VSIG10L2: variants seen among roughly 807,000 people sequenced by gnomAD.
VSIG10L2 encodes V-set and immunoglobulin domain containing 10 like 2.
A neutral mutation model predicts 67.1 loss-of-function variants in VSIG10L2; 56 were observed. The observed-to-expected ratio is 0.83, with a 90% confidence interval of 0.67 to 1.04. The LOEUF (loss-of-function observed/expected upper bound fraction) is 1.04. Among genes scored for constraint, VSIG10L2 ranks in the 50% least tolerant of loss-of-function variants. The probability of loss-of-function intolerance (pLI) is 0.00; values close to 1 mark genes in which losing one functional copy is unlikely to be tolerated. For missense variants in VSIG10L2, 843 were observed against 932.8 expected (o/e 0.90, Z 1.25); for synonymous variants, 360 against 396.6 (o/e 0.91, Z 1.10).
rs142847305 is a variant in VSIG10L2 at position 125,949,124 on chromosome 11, C to G, written c.709+544C>G. Among the ~76,000 whole-genome samples, 39 of 152,328 alleles carry G rather than the reference C, an allele frequency of 2.6e-4. No homozygotes were observed. In the East Asian group the frequency reaches 7.5e-3, roughly 29 times the overall value. ...ATGGAAGGCACACTTGATTTTGAAGCTTTAGTCCAAAAGAAAGAATGTAAA... is the reference window on the plus strand; with the variant it reads ...ATGGAAGGCACACTTGATTTTGAAGGTTTAGTCCAAAAGAAAGAATGTAAA... On this transcript the variant is annotated intron_variant, in intron 3 of 11. Transcript: ENST00000686984.
Position 125,946,059 on chromosome 11 carries a change from G to A in VSIG10L2, c.4G>A (p.Val2Met). ...TGGCCATCAGGGAGATGGGGCCATGGTGGGTCAGAGGGCCCAGCACAGCCC... is the reference window on the plus strand; with the variant it reads ...TGGCCATCAGGGAGATGGGGCCATGATGGGTCAGAGGGCCCAGCACAGCCC... M[V>M]GQRAQHSPVS... Residue 2 changes from valine to methionine, a missense_variant, in exon 1 of 12, where the codon GTG becomes ATG. Around this residue, in one of 2 missense-constraint regions of VSIG10L2, gnomAD observed 446 missense variants for 548.4 expected, o/e 0.81. Transcript: ENST00000686984. This position sits in a 1 kb window ranked among gnomAD's most constrained non-coding sequence, Gnocchi z 4.4. 2.5e-6 allele frequency: 1 copy of A among 399,346 alleles called. No homozygotes were observed. Among genetic ancestry groups the A allele is most frequent in the Non-Finnish European group, 4.4e-6 (1 of 226,376 alleles). 24.7% of individuals were successfully genotyped at this position (399,346 alleles called of 1,614,324 possible).
intron 7 of VSIG10L2, 40 bp from the exon 8 acceptor site, chr11:125,954,047 A>G (rs1945416151): frequency 5.8e-5 from 71 of 1,226,456 alleles, no homozygotes; most frequent in Non-Finnish European, 7.2e-5. Context: ...ACGTGGTTGT[A>G]GGTATACATG....
rs1181081817 is a variant in VSIG10L2, at chr11:125,954,300, T to TG, written c.2002dup (p.Asp668GlyfsTer23). 3 of 1,232,130 alleles carry TG rather than the reference T, an allele frequency of 2.4e-6. No homozygotes were observed. In the Admixed American group the frequency reaches 1.3e-4, roughly 52 times the overall value. The allele number at this position is 1,232,130 out of a possible 1,614,324, so 76.3% of individuals were successfully genotyped here. The stretch of plus-strand genomic sequence containing the variant: ...AGCCGAGGACGGCGGCTGGGGGGCT[T>TG]GGACCCCGGGGTCCTTTATGCCTTC... On this transcript the variant is annotated frameshift_variant, in exon 8 of 12. Transcript: ENST00000686984. LOFTEE classifies it high-confidence loss of function.
chr11:125,954,939 G>A (rs1945435471), intron 8 of VSIG10L2, 118 bp from the exon 9 acceptor site: 2 of 1,066,664 alleles, frequency 1.9e-6, no homozygotes, highest in East Asian at 6.5e-5. Flanking sequence ...GTCAGCTGCA[G>A]GGGGAACTGG....
intron 1 of VSIG10L2, among the ~76,000 whole-genome samples, chr11:125,947,131 G>A (rs530801218): frequency 3.9e-5 from 6 of 152,124 alleles, no homozygotes; most frequent in Admixed American, 6.5e-5. Context: ...GGGCTGATGC[G>A]GGCGGTGTCC....
chr11:125,954,968 C>A, intron 8 of VSIG10L2, 89 bp from the exon 9 acceptor site: 1 of 1,209,392 alleles, frequency 8.3e-7, no homozygotes, highest in Non-Finnish European at 1.0e-6. Context: ...GGCACCGCTT[C>A]TCCAGAACCC....
Position 125,952,084 on chromosome 11 carries a change from G to A in VSIG10L2, c.1495+11G>A. 6.6e-7 allele frequency: 1 copy of A among 1,526,068 alleles called. No individual in the cohort carries two copies. Among genetic ancestry groups the A allele is most frequent in the Non-Finnish European group, 8.8e-7 (1 of 1,139,744 alleles). 94.5% of individuals were successfully genotyped at this position (1,526,068 alleles called of 1,614,324 possible). A position where few individuals can be genotyped will look rare whatever the true frequency, so the allele number is the denominator to read the frequency against. ...GCCACCTCCAGCTGGGTGAGTAGGG[G>A]CTAGCGAGTTTGTTCTGGGGCTGGG... On this transcript the variant is annotated intron_variant, in intron 6 of 11. Transcript: ENST00000686984.
chr11:125,946,960 G>C lies in VSIG10L2; in HGVS notation c.83-726G>C, dbSNP rs986082793. Reference sequence around the variant, plus strand: ...TACTTGGGCTTAGGCTGGGGTTGAGGGCTGGGCCCTGAGCCGAGAACACCT... The same window carrying C: ...TACTTGGGCTTAGGCTGGGGTTGAGCGCTGGGCCCTGAGCCGAGAACACCT... On this transcript the variant is annotated intron_variant, in intron 1 of 11. Coordinates refer to ENST00000686984, the MANE Select transcript of VSIG10L2 (RefSeq NM_001365077.2). This position sits in a 1 kb window ranked among gnomAD's most constrained non-coding sequence, Gnocchi z 4.4. 6.6e-6 allele frequency among the ~76,000 whole-genome samples: 1 copy of C among 152,204 alleles called. No homozygotes were observed.
chr11:125,950,431 A>C, intron 4 of VSIG10L2, 142 bp downstream of exon 4: 1 of 878,908 alleles, frequency 1.1e-6, no homozygotes, highest in Non-Finnish European at 1.5e-6. Context: ...GGAGGTCTCC[A>C]ACCAAGTGGA....
Position 125,947,836 on chromosome 11 carries a change from G to A in VSIG10L2, c.233G>A (p.Arg78Gln), listed in dbSNP as rs901811141. Reference protein sequence around the residue: ...SFTPLGSLVPRPVAVTDGAMS... With the variant: ...SFTPLGSLVPQPVAVTDGAMS... ...ACCCCCCTGGGCTCCCTGGTTCCCC[G>A]GCCTGTGGCCGTCACCGATGGAGCC... The change falls in exon 2 of 12, where the codon CGG becomes CAG. Residue 78 changes from arginine to glutamine, a missense_variant. Arg to Gln is a conservative substitution (Grantham distance 43). This residue lies in a region of VSIG10L2 where 446 missense variants were observed against 548.4 expected (regional missense o/e 0.81). Coordinates refer to ENST00000686984, the MANE Select transcript of VSIG10L2 (RefSeq NM_001365077.2). The A allele has an allele frequency of 2.4e-5, 30 of 1,232,270 alleles. No individual in the cohort carries two copies. Among genetic ancestry groups the A allele is most frequent in the Admixed American group, 4.2e-5 (1 of 23,710 alleles). The allele number at this position is 1,232,270 out of a possible 1,614,324, so 76.3% of individuals were successfully genotyped here.
At position 125,954,408 on chromosome 11, in the gene VSIG10L2, C is replaced by T. The variant is rs1410414881; in HGVS notation, c.2083+25C>T. 3.2e-6 allele frequency: 4 copies of T among 1,231,888 alleles called. No homozygotes were observed. In the African/African-American group the frequency reaches 6.2e-5, roughly 19 times the overall value. The allele number at this position is 1,231,888 out of a possible 1,614,324, so 76.3% of individuals were successfully genotyped here. A position where few individuals can be genotyped will look rare whatever the true frequency, so the allele number is the denominator to read the frequency against. On this transcript the variant is annotated intron_variant, in intron 8 of 11. Coordinates refer to ENST00000686984, the MANE Select transcript of VSIG10L2 (RefSeq NM_001365077.2). ...GGTGCCAGCTAATGCCAGGGAGGGA[C>T]CCACCTTTTCTCCAAAGCGCTGGCC...
At position 125,948,020 on chromosome 11, in the gene VSIG10L2, C is replaced by G. The variant is rs945480133; in HGVS notation, c.417C>G (p.Leu139=). The change falls in exon 2 of 12, where the codon CTC becomes CTG. Residue 139 remains leucine (L), a synonymous_variant. Coordinates refer to ENST00000686984, the MANE Select transcript of VSIG10L2 (RefSeq NM_001365077.2). ...GGQLHAAYSH[L]TLAVLVPVSK... ...AGCTCCACGCTGCCTACTCCCACCTCACGCTGGCTGTGCTGGGTGAGGGCC... is the reference window on the plus strand; with the variant it reads ...AGCTCCACGCTGCCTACTCCCACCTGACGCTGGCTGTGCTGGGTGAGGGCC... The G allele has an allele frequency of 5.5e-5, 68 of 1,232,296 alleles. No individual in the cohort carries two copies. Among genetic ancestry groups the G allele is most frequent in the Non-Finnish European group, 6.8e-5 (67 of 988,176 alleles). 76.3% of individuals were successfully genotyped at this position (1,232,296 alleles called of 1,614,324 possible).
rs1436031116 is a variant in VSIG10L2, at chr11:125,955,605, T to G, written c.2232-10T>G. 6.5e-7 allele frequency: 1 copy of G among 1,527,804 alleles called. No homozygotes were observed. The highest frequency in any genetic ancestry group is 8.8e-7 in the Non-Finnish European group (1 of 1,142,406). The allele number at this position is 1,527,804 out of a possible 1,614,324, so 94.6% of individuals were successfully genotyped here. A position where few individuals can be genotyped will look rare whatever the true frequency, so the allele number is the denominator to read the frequency against. On this transcript the variant is annotated splice_polypyrimidine_tract_variant and intron_variant, in intron 10 of 11. Transcript: ENST00000686984. ...TTGCCACTAACTTTACTCTCCCACTTCACTCTCAGGGAGCAAAGGCACCAA... is the reference window on the plus strand; with the variant it reads ...TTGCCACTAACTTTACTCTCCCACTGCACTCTCAGGGAGCAAAGGCACCAA...
chr11:125,950,015 T>G lies in VSIG10L2; in HGVS notation c.711T>G (p.Tyr237Ter), dbSNP rs565534848. 3 of 1,232,444 alleles carry G rather than the reference T, an allele frequency of 2.4e-6. No homozygotes were observed. The highest frequency in any genetic ancestry group is 8.2e-5 in the South Asian group (2 of 24,332). 76.3% of individuals were successfully genotyped at this position (1,232,444 alleles called of 1,614,324 possible). A position where few individuals can be genotyped will look rare whatever the true frequency, so the allele number is the denominator to read the frequency against. ...TAACTGGCCTTCCTTGCTCTCCAGA[T>G]GGTCCTGACAAGCCTGTGATCACCA... ...SSDGAFLDVI[Y>*]GPDKPVITME... The change falls in exon 4 of 12, where the codon TAT (tyrosine) becomes TAG (stop). Residue 237 changes from tyrosine (Y) to a stop codon, truncating the protein, a stop_gained and splice_region_variant. Coordinates refer to ENST00000686984, the MANE Select transcript of VSIG10L2 (RefSeq NM_001365077.2). LOFTEE classifies it high-confidence loss of function.
chr11:125,948,619 A>C (rs1591528782), intron 3 of VSIG10L2, 39 bp downstream of exon 3: 1 of 1,231,430 alleles, frequency 8.1e-7, no homozygotes, highest in Non-Finnish European at 1.0e-6. Context: ...CAGGGCTGAC[A>C]CCCATCTCCC....
chr11:125,955,276 A>G, intron 9 of VSIG10L2, 97 bp downstream of exon 9: 1 of 1,302,016 alleles, frequency 7.7e-7, no homozygotes, highest in Non-Finnish European at 9.8e-7. Context: ...GGGGGAGAAG[A>G]ATCTAGGCTC....
At position 125,951,094 on chromosome 11, in the gene VSIG10L2, C is replaced by T. The variant is rs577401977; in HGVS notation, c.1170C>T (p.Ser390=). 535 of 1,232,704 alleles carry T rather than the reference C, an allele frequency of 4.3e-4. No homozygotes were observed. In the African/African-American group the frequency reaches 7.2e-3, roughly 17 times the overall value. The allele number at this position is 1,232,704 out of a possible 1,614,324, so 76.4% of individuals were successfully genotyped here. The change falls in exon 5 of 12, where the codon AGC becomes AGT. Residue 390 remains serine (S), a synonymous_variant. Coordinates refer to ENST00000686984, the MANE Select transcript of VSIG10L2 (RefSeq NM_001365077.2). ...CAGCCGCCCAGCTCCCCAGTGGCAG[C>T]GTCTTCACCTGCACTGGCCAGCACC... is the stretch of plus-strand genomic sequence containing the variant. ...SHAAAQLPSG[S]VFTCTGQHPA... is the part of the protein sequence containing the mutation.
intron 1 of VSIG10L2, 169 bp from the exon 2 acceptor site, chr11:125,947,517 C>T: frequency 1.0e-6 from 1 of 985,438 alleles, no homozygotes; most frequent in African/African-American, 1.7e-5. Flanking sequence ...GGCTCCCACA[C>T]AAACTGTCTC....
At chr11:125,949,684 C>T (rs1371036579) in intron 3 of VSIG10L2, among the ~76,000 whole-genome samples, 2 of 152,080 alleles carry the variant, frequency 1.3e-5, no homozygotes, top group African/African-American at 4.8e-5. Context: ...CTACAGTGGC[C>T]GAATGTCTGC....
Sources: allele counts gnomAD v4.1 joint callset (sites outside exome capture counted in the v4.1 genomes callset), GRCh38; gene constraint gnomAD v4.1.1; regional missense constraint gnomAD v4.1.1; non-coding constraint Gnocchi (gnomAD v3.1); transcripts MANE v1.5; gene names NCBI Gene and HGNC (gene_info 2026-07-23, HGNC 2026-07-21).